Variants in MCPH1 observed in about 807,000 individuals in gnomAD.
The protein encoded by MCPH1 is microcephalin 1.
In MCPH1, 104 loss-of-function variants were observed where a neutral mutation model predicts 84.5. The observed-to-expected ratio is 1.23, with a 90% CI of 1.05 to 1.45. MCPH1 has a LOEUF of 1.45. Among genes scored for constraint, MCPH1 ranks in the 40% most tolerant of loss-of-function variants. The pLI is 0.00. For missense variants in MCPH1, 1,498 were observed against 1,005.7 expected, an observed-to-expected ratio of 1.49 and a Z score of -6.62; for synonymous variants, 514 against 366.8, an observed-to-expected ratio of 1.40 and a Z score of -4.58.
rs901967923 is a variant in MCPH1, at chr8:6,646,103, T to A, written c.*3054T>A. 6 of 152,196 alleles carry A rather than the reference T, an allele frequency of 3.9e-5. No individual in the cohort carries two copies. The highest frequency in any genetic ancestry group is 1.3e-4 in the Admixed American group (2 of 15,282). 9.4% of individuals were successfully genotyped at this position (152,196 alleles called of 1,614,324 possible). A position where few individuals can be genotyped will look rare whatever the true frequency, so the allele number is the denominator to read the frequency against. Reference sequence around the variant, plus strand: ...AGTTGGAGGATTTATAGAACCTGATTCCAAAACTGTCAGTAAAACTACAAT... The same window carrying A: ...AGTTGGAGGATTTATAGAACCTGATACCAAAACTGTCAGTAAAACTACAAT... On this transcript the variant is annotated 3_prime_UTR_variant, in exon 14 of 14. Coordinates refer to ENST00000344683, the MANE Select transcript of MCPH1 (RefSeq NM_024596.5).
chr8:6,543,498 C>A (rs7842402), intron 12 of MCPH1, among the ~76,000 whole-genome samples: 2 of 151,840 alleles, frequency 1.3e-5, no homozygotes, highest in Non-Finnish European at 2.9e-5. Flanking sequence ...GTGCGTGGGT[C>A]GTGGGGAGCA....
At chr8:6,486,908 A>G (rs1809996863) in intron 11 of MCPH1, among the ~76,000 whole-genome samples, 1 of 152,168 alleles carries the variant, frequency 6.6e-6, no homozygotes. Flanking sequence ...ACTTAATTTG[A>G]TGATTCCTGC....
At chr8:6,544,291 A>G (rs2129574264) in intron 12 of MCPH1, among the ~76,000 whole-genome samples, 1 of 152,338 alleles carries the variant, frequency 6.6e-6, no homozygotes. Context: ...GTCTGTGGCC[A>G]GCAGTCCAGC....
At chr8:6,576,725 T>G (rs1827152685) in intron 12 of MCPH1, among the ~76,000 whole-genome samples, 1 of 103,574 alleles carries the variant, frequency 9.7e-6, no homozygotes, top group Non-Finnish European at 1.9e-5. Flanking sequence ...TTTTTTTTTT[T>G]TTAGTAGAGA....
chr8:6,504,460 C>G lies in MCPH1; in HGVS notation c.2214+4531C>G, dbSNP rs372840904. On this transcript the variant is annotated intron_variant, in intron 12 of 13. Transcript: ENST00000344683. ...TCCAGTGGATCCACGCTGTCTACAT[C>G]CGGTCTCCTGATCACTTAGTAGCTG... Among the ~76,000 whole-genome samples, 59 of 152,260 alleles carry G rather than the reference C, an allele frequency of 3.9e-4. 1 individual carries two copies. Among genetic ancestry groups the G allele is most frequent in the African/African-American group, 1.3e-3 (55 of 41,554 alleles).
At chr8:6,554,545 T>C (rs967810390) in intron 12 of MCPH1, among the ~76,000 whole-genome samples, 1 of 152,220 alleles carries the variant, frequency 6.6e-6, no homozygotes, top group African/African-American at 2.4e-5. Context: ...TATTTTTACA[T>C]GACAGGTAAT....
chr8:6,598,166 A>C (rs1829070545), intron 12 of MCPH1, among the ~76,000 whole-genome samples: 1 of 152,184 alleles, frequency 6.6e-6, no homozygotes, highest in Non-Finnish European at 1.5e-5. Context: ...CTGGGAGGCA[A>C]AGGCGGTCAA....
chr8:6,476,236 C>G (rs147206320), intron 9 of MCPH1, among the ~76,000 whole-genome samples: 2 of 152,094 alleles, frequency 1.3e-5, no homozygotes, highest in Non-Finnish European at 2.9e-5. Context: ...GGAGACCAGC[C>G]TGGCCAACAT....
intron 12 of MCPH1, among the ~76,000 whole-genome samples, chr8:6,585,163 C>G (rs540441694): frequency 6.6e-6 from 1 of 152,178 alleles, no homozygotes; most frequent in African/African-American, 2.4e-5. Flanking sequence ...TTTTCCGTGG[C>G]TAATGAAGGA....
chr8:6,589,467 G>A (rs1019970377), intron 12 of MCPH1, among the ~76,000 whole-genome samples: 12 of 152,154 alleles, frequency 7.9e-5, no homozygotes, highest in Admixed American at 7.2e-4. Context: ...CAGGCTTTCT[G>A]ACATCAGCGT....
intron 10 of MCPH1, among the ~76,000 whole-genome samples, chr8:6,478,487 C>G (rs1808764016): frequency 6.6e-6 from 1 of 152,110 alleles, no homozygotes; most frequent in Non-Finnish European, 1.5e-5. Flanking sequence ...TACTAGTTAA[C>G]TGCTTATTTT....
intron 12 of MCPH1, among the ~76,000 whole-genome samples, chr8:6,570,008 T>A (rs868017202): frequency 2.0e-5 from 3 of 152,238 alleles, no homozygotes; most frequent in African/African-American, 7.2e-5. Context: ...GAATTCAAAT[T>A]GTTACTTGCT....
chr8:6,637,512 G>A (rs938826855), intron 13 of MCPH1, among the ~76,000 whole-genome samples: 1 of 152,204 alleles, frequency 6.6e-6, no homozygotes, highest in Non-Finnish European at 1.5e-5. Flanking sequence ...GAAGCAGGCA[G>A]CTTCAGACAG....
At chr8:6,553,451 C>G (rs1824029639) in intron 12 of MCPH1, among the ~76,000 whole-genome samples, 1 of 152,076 alleles carries the variant, frequency 6.6e-6, no homozygotes, top group African/African-American at 2.4e-5. Flanking sequence ...CAGAGGCTTG[C>G]TGGTCTAATG....
chr8:6,435,027 C>G (rs180945430), intron 4 of MCPH1, among the ~76,000 whole-genome samples: 1 of 152,210 alleles, frequency 6.6e-6, no homozygotes, highest in Admixed American at 6.5e-5. Flanking sequence ...AAACATTTCC[C>G]CTGTCTGAGG....
intron 12 of MCPH1, among the ~76,000 whole-genome samples, chr8:6,575,643 C>T (rs983805772): frequency 6.6e-6 from 1 of 152,134 alleles, no homozygotes; most frequent in Non-Finnish European, 1.5e-5. Flanking sequence ...TCCTAAATGC[C>T]CTCAGCACGT....
intron 9 of MCPH1, among the ~76,000 whole-genome samples, chr8:6,471,023 C>T (rs551151597): frequency 2.6e-5 from 4 of 152,126 alleles, no homozygotes; most frequent in Admixed American, 6.5e-5. Context: ...GTTTAAGTAT[C>T]GAAGGTCCTT....
chr8:6,477,610 T>A lies in MCPH1; in HGVS notation c.1952T>A (p.Val651Asp). 6.2e-7 allele frequency: 1 copy of A among 1,613,264 alleles called. No homozygotes were observed. Among genetic ancestry groups the A allele is most frequent in the Non-Finnish European group, 8.5e-7 (1 of 1,179,508 alleles). ...AATCTCTAGCCAACAAGAACATTAG[T>A]CATGACAAGCATGCCATCTGAGTAA... ...GRGKKPTRTL[V>D]MTSMPSEKQN... The change falls in exon 10 of 14, where the codon GTC becomes GAC. Residue 651 changes from valine to aspartate, a missense_variant. Physicochemically the swap from Val to Asp is radical, Grantham distance 152. Transcript: ENST00000344683.
At chr8:6,546,969 C>G (rs1822700848) in intron 12 of MCPH1, among the ~76,000 whole-genome samples, 1 of 152,166 alleles carries the variant, frequency 6.6e-6, no homozygotes, top group South Asian at 2.1e-4. Flanking sequence ...CTGGTTAGTC[C>G]TGTCTTCTTT....
Sources: allele counts gnomAD v4.1 joint callset (sites outside exome capture counted in the v4.1 genomes callset), GRCh38; gene constraint gnomAD v4.1.1; transcripts MANE v1.5; gene names NCBI Gene and HGNC (gene_info 2026-07-23, HGNC 2026-07-21).